The following MAGI2 variants were observed in gnomAD, a reference collection of about 807,000 sequenced individuals.
The protein encoded by MAGI2 is membrane associated guanylate kinase, WW and PDZ domain containing 2, also known as membrane-associated guanylate kinase, WW and PDZ domain-containing protein 2.
MAGI2 carries 35 observed loss-of-function variants against 133.3 expected under a neutral mutation model. The ratio of observed to expected loss-of-function variants is 0.26; its 90% CI spans 0.20 to 0.35. MAGI2 has a LOEUF of 0.35. Ranked by LOEUF, MAGI2 falls within the 10% of genes least tolerant of loss-of-function variation. The pLI is 1.00. For missense variants in MAGI2, 1,636 were observed against 1,863.4 expected (o/e 0.88, Z 2.25); for synonymous variants, 729 against 710.6 (o/e 1.03, Z -0.41).
intron 1 of MAGI2, among the ~76,000 whole-genome samples, chr7:79,264,186 T>C (rs1276866947): frequency 2.6e-5 from 4 of 152,224 alleles, no homozygotes; most frequent in Non-Finnish European, 5.9e-5. Flanking sequence ...AAATGCTCAT[T>C]AGCCACATGT....
intron 9 of MAGI2, among the ~76,000 whole-genome samples, chr7:78,319,882 A>T (rs1272903015): frequency 1.3e-5 from 2 of 152,174 alleles, no homozygotes; most frequent in Non-Finnish European, 2.9e-5. Context: ...CACTAACAAG[A>T]CTAATAAAGA....
Position 79,211,374 on chromosome 7 carries a change from C to G in MAGI2, c.302-204168G>C, listed in dbSNP as rs190858105. 6.4e-3 allele frequency among the ~76,000 whole-genome samples: 972 copies of G among 152,064 alleles called. 25 individuals carry two copies. The highest frequency in any genetic ancestry group is 0.023 in the African/African-American group (933 of 41,370). On this transcript the variant is annotated intron_variant, in intron 1 of 21. Transcript: ENST00000354212. ...TCACTGCAGCCCTGATCTCCCGGTT[C>G]AAGTGATCTCCTCTCACGTCAGCCT...
chr7:79,329,938 TA>T (rs1467147334), intron 1 of MAGI2, among the ~76,000 whole-genome samples: 1 of 152,166 alleles, frequency 6.6e-6, no homozygotes, highest in Admixed American at 6.5e-5. Context: ...CTTCTCTTTA[TA>T]AAAGACTAAA....
At chr7:78,107,917 A>T (rs868810493) in intron 20 of MAGI2, among the ~76,000 whole-genome samples, 6 of 129,504 alleles carry the variant, frequency 4.6e-5, no homozygotes, top group African/African-American at 1.3e-4. Context: ...TCTTTTCAAA[A>T]AACCAAGCTT....
intron 1 of MAGI2, among the ~76,000 whole-genome samples, chr7:79,140,326 A>T (rs1195082137): frequency 6.6e-6 from 1 of 152,156 alleles, no homozygotes; most frequent in South Asian, 2.1e-4. Context: ...CTGCATATCT[A>T]TTTATCAATT....
At chr7:78,802,223 C>T (rs1369555616) in intron 2 of MAGI2, among the ~76,000 whole-genome samples, 1 of 152,172 alleles carries the variant, frequency 6.6e-6, no homozygotes, top group Non-Finnish European at 1.5e-5. Flanking sequence ...TAACCTTTTT[C>T]ATAGTCCTTC....
intron 6 of MAGI2, among the ~76,000 whole-genome samples, chr7:78,398,687 T>A (rs1314613183): frequency 6.6e-6 from 1 of 152,070 alleles, no homozygotes; most frequent in Non-Finnish European, 1.5e-5. Context: ...GCCCCAACTC[T>A]CAGTCTTGGT....
chr7:78,115,866 T>C (rs936784172), intron 20 of MAGI2, among the ~76,000 whole-genome samples: 3 of 152,146 alleles, frequency 2.0e-5, no homozygotes, highest in African/African-American at 7.2e-5. Flanking sequence ...TGCAAAACCA[T>C]TAGCAAAGAT....
At chr7:78,717,472 T>G (rs2151191890) in intron 2 of MAGI2, among the ~76,000 whole-genome samples, 2 of 152,260 alleles carry the variant, frequency 1.3e-5, no homozygotes, top group Non-Finnish European at 2.9e-5. Flanking sequence ...TGCTACAAAT[T>G]TCCACTCTCT....
At chr7:79,249,332 A>G (rs1470426276) in intron 1 of MAGI2, among the ~76,000 whole-genome samples, 1 of 152,200 alleles carries the variant, frequency 6.6e-6, no homozygotes, top group Non-Finnish European at 1.5e-5. Flanking sequence ...AGAAAACAAT[A>G]CAAAGGTCAG....
intron 9 of MAGI2, among the ~76,000 whole-genome samples, chr7:78,271,386 G>A (rs781066843): frequency 2.6e-5 from 4 of 152,162 alleles, no homozygotes; most frequent in Non-Finnish European, 5.9e-5. Flanking sequence ...TCGAATTGAG[G>A]TTCACCAGGG....
At chr7:79,174,565 T>C (rs1825922818) in intron 1 of MAGI2, among the ~76,000 whole-genome samples, 1 of 151,838 alleles carries the variant, frequency 6.6e-6, no homozygotes, top group Admixed American at 6.6e-5. Context: ...ATCAATTTTT[T>C]TTTAAGCTGG....
intron 4 of MAGI2, among the ~76,000 whole-genome samples, chr7:78,511,922 C>G (rs62468561): frequency 0.12 from 17,860 of 150,236 alleles, 1,118 homozygotes; most frequent in African/African-American, 0.14. Flanking sequence ...GGTGAAACCT[C>G]GTCTCTACTA....
chr7:78,166,795 C>G (rs2150637007), intron 15 of MAGI2, among the ~76,000 whole-genome samples: 1 of 152,198 alleles, frequency 6.6e-6, no homozygotes, highest in East Asian at 1.9e-4. Context: ...TTGCTAAGTT[C>G]TGGCCTAACA....
At chr7:79,391,524 T>TATATATATATATATAGAC (rs1844632848) in intron 1 of MAGI2, among the ~76,000 whole-genome samples, 1 of 88,458 alleles carries the variant, frequency 1.1e-5, no homozygotes, top group Non-Finnish European at 2.0e-5. Flanking sequence ...TATATATATA[T>TATATATATATATATAGAC]ATATATATAT....
chr7:79,118,796 C>G (rs544416392), intron 1 of MAGI2, among the ~76,000 whole-genome samples: 10 of 152,204 alleles, frequency 6.6e-5, no homozygotes, highest in Non-Finnish European at 8.8e-5. Context: ...GACTACTCCC[C>G]CAAGCAGCTT....
chr7:79,287,007 C>T (rs1434662180), intron 1 of MAGI2, among the ~76,000 whole-genome samples: 1 of 152,048 alleles, frequency 6.6e-6, no homozygotes, highest in African/African-American at 2.4e-5. Context: ...GGAAGGTTGA[C>T]AATGGACTCC....
intron 3 of MAGI2, among the ~76,000 whole-genome samples, chr7:78,575,222 C>G (rs1443993908): frequency 6.6e-6 from 1 of 152,056 alleles, no homozygotes; most frequent in Non-Finnish European, 1.5e-5. Context: ...AAAGGAGCTA[C>G]TAGCTACAGA....
chr7:78,630,667 G>A (rs1407763365), intron 2 of MAGI2, among the ~76,000 whole-genome samples: 7 of 151,726 alleles, frequency 4.6e-5, no homozygotes, highest in African/African-American at 7.3e-5. Context: ...CCCCCACCTC[G>A]GCCTCCCAAA....
Sources: allele counts gnomAD v4.1 joint callset (sites outside exome capture counted in the v4.1 genomes callset), GRCh38; gene constraint gnomAD v4.1.1; transcripts MANE v1.5; gene names NCBI Gene and HGNC (gene_info 2026-07-23, HGNC 2026-07-21).